LCA5L: variants seen among roughly 807,000 people sequenced by gnomAD.
The protein encoded by LCA5L is lebercilin LCA5 like, also known as lebercilin-like protein.
In LCA5L, 35 loss-of-function variants were observed where a neutral mutation model predicts 45.4. The observed-to-expected ratio is 0.77, with a 90% CI of 0.59 to 1.02. The LOEUF (loss-of-function observed/expected upper bound fraction) is 1.02, where lower values mean the gene tolerates loss of function less well. Ranked by LOEUF, LCA5L falls within the 50% of genes least tolerant of loss-of-function variation. LCA5L has a pLI of 0.00. For synonymous variants in LCA5L, 233 were observed against 264.7 expected, an observed-to-expected ratio of 0.88 and a Z score of 1.16; for missense variants, 668 against 761.6, an observed-to-expected ratio of 0.88 and a Z score of 1.45.
At chr21:39,437,015 T>C (rs1308261364) in intron 2 of LCA5L, among the ~76,000 whole-genome samples, 1 of 152,196 alleles carries the variant, frequency 6.6e-6, no homozygotes, top group African/African-American at 2.4e-5. Context: ...TCTGGCTCCT[T>C]TGTCTATTGC....
intron 10 of LCA5L, among the ~76,000 whole-genome samples, chr21:39,408,258 G>C (rs926532616): frequency 6.6e-6 from 1 of 152,150 alleles, no homozygotes; most frequent in African/African-American, 2.4e-5. Flanking sequence ...TCAAGTGTAA[G>C]GGCAGAATAA....
At chr21:39,422,682 C>A in intron 6 of LCA5L, 1 of 477,266 alleles carries the variant, frequency 2.1e-6, no homozygotes, top group Non-Finnish European at 3.6e-6. Flanking sequence ...AGTCCCTTAG[C>A]ACTGTAGCTG....
chr21:39,438,214 T>A (rs1385526595), intron 2 of LCA5L, among the ~76,000 whole-genome samples: 1 of 152,070 alleles, frequency 6.6e-6, no homozygotes. Context: ...CAAATACATA[T>A]GGTAACCTAG....
At chr21:39,421,100 CG>C (rs575174165) in intron 6 of LCA5L, among the ~76,000 whole-genome samples, 5,345 of 147,284 alleles carry the variant, frequency 0.036, 116 homozygotes, top group Middle Eastern at 0.099. Flanking sequence ...TTTAACAATT[CG>C]TTTTTTTTTT....
At chr21:39,425,652 A>T (rs1216677925) in intron 5 of LCA5L, among the ~76,000 whole-genome samples, 1 of 152,156 alleles carries the variant, frequency 6.6e-6, no homozygotes, top group East Asian at 1.9e-4. Flanking sequence ...CTCTAGACCC[A>T]GGCCGTATGG....
intron 6 of LCA5L, 53 bp downstream of exon 6, chr21:39,422,923 C>G: frequency 6.5e-7 from 1 of 1,533,310 alleles, no homozygotes; most frequent in South Asian, 1.2e-5. Context: ...AATTCACACC[C>G]TCTCTCTATT....
intron 5 of LCA5L, among the ~76,000 whole-genome samples, chr21:39,427,523 G>A (rs1182605185): frequency 2.6e-5 from 4 of 152,010 alleles, no homozygotes; most frequent in South Asian, 2.1e-4. Flanking sequence ...TTAGCCGGGC[G>A]TGGTGGTGGG....
intron 7 of LCA5L, among the ~76,000 whole-genome samples, chr21:39,419,562 A>G (rs1333946712): frequency 6.6e-6 from 1 of 151,514 alleles, no homozygotes; most frequent in Non-Finnish European, 1.5e-5. Flanking sequence ...AAGAAAGGGA[A>G]ATTATTGATA....
At chr21:39,429,000 CAAG>C (rs2075350960) in intron 4 of LCA5L, 128 bp downstream of exon 4, 1 of 152,052 alleles carries the variant, frequency 6.6e-6, no homozygotes, top group Non-Finnish European at 1.5e-5. Flanking sequence ...AAGTGAAATA[CAAG>C]AAAGACCCCA....
intron 3 of LCA5L, 21 bp downstream of exon 3, chr21:39,435,399 T>C (rs1241476246): frequency 6.6e-6 from 1 of 152,218 alleles, no homozygotes; most frequent in Non-Finnish European, 1.5e-5. Context: ...ACTAAAATGT[T>C]TGAAAGTGAT....
At chr21:39,418,002 G>C (rs113525971) in intron 7 of LCA5L, among the ~76,000 whole-genome samples, 2 of 152,078 alleles carry the variant, frequency 1.3e-5, no homozygotes, top group African/African-American at 2.4e-5. Context: ...TCCTGACCTC[G>C]TGATCCACCC....
intron 2 of LCA5L, among the ~76,000 whole-genome samples, chr21:39,442,694 C>G (rs751283306): frequency 3.3e-5 from 5 of 152,036 alleles, no homozygotes; most frequent in Non-Finnish European, 5.9e-5. Context: ...GAGGTTCCAG[C>G]TGGGGTTGGG....
At chr21:39,419,248 G>A (rs1601799653) in intron 7 of LCA5L, among the ~76,000 whole-genome samples, 1 of 152,198 alleles carries the variant, frequency 6.6e-6, no homozygotes, top group East Asian at 1.9e-4. Flanking sequence ...GATCAGGCTG[G>A]GTGTGGTGGC....
intron 3 of LCA5L, among the ~76,000 whole-genome samples, chr21:39,433,284 G>A (rs1014034052): frequency 1.3e-5 from 2 of 152,042 alleles, no homozygotes; most frequent in Non-Finnish European, 2.9e-5. Flanking sequence ...TGGGCGTGGT[G>A]GCGGGCGCCT....
chr21:39,409,334 A>C lies in LCA5L; in HGVS notation c.1282+645T>G, dbSNP rs1019667382. On this transcript the variant is annotated intron_variant, in intron 10 of 10. Transcript: ENST00000288350. The surrounding 1 kb of genome is among the most constrained non-coding windows in gnomAD (Gnocchi z 4.2). ...TGAGAAAATAAATAAGTGTTGTTTA[A>C]ACCGGCAGTCTGTGGTATTTTCTTA... 6.6e-6 allele frequency among the ~76,000 whole-genome samples: 1 copy of C among 152,148 alleles called. No homozygotes were observed. The highest frequency in any genetic ancestry group is 2.4e-5 in the African/African-American group (1 of 41,436).
chr21:39,409,147 C>T lies in LCA5L; in HGVS notation c.1282+832G>A, dbSNP rs2039626816. Among the ~76,000 whole-genome samples, 1 of 152,072 alleles carries T rather than the reference C, an allele frequency of 6.6e-6. No individual in the cohort carries two copies. The highest frequency in any genetic ancestry group is 2.1e-4 in the South Asian group (1 of 4,822). ...ATTAGTGTCCTTATAAAAAGAAACACTGGAGCACTGGTGCTCTCTCCCCGA... is the reference window on the plus strand; with the variant it reads ...ATTAGTGTCCTTATAAAAAGAAACATTGGAGCACTGGTGCTCTCTCCCCGA... On this transcript the variant is annotated intron_variant, in intron 10 of 10. Transcript: ENST00000288350. This position sits in a 1 kb window ranked among gnomAD's most constrained non-coding sequence, Gnocchi z 4.2.
intron 7 of LCA5L, among the ~76,000 whole-genome samples, chr21:39,414,734 C>T (rs1193803006): frequency 1.3e-4 from 13 of 103,272 alleles, no homozygotes; most frequent in Non-Finnish European, 2.2e-4. Context: ...CTCTCTCTCT[C>T]TCTCTCTCTG....
At chr21:39,414,742 C>G (rs13050061) in intron 7 of LCA5L, among the ~76,000 whole-genome samples, 67,064 of 99,788 alleles carry the variant, frequency 0.67, 23,258 homozygotes, top group Admixed American at 0.71. Flanking sequence ...CTCTCTCTCT[C>G]TGTGTGTGTG....
Position 39,423,111 on chromosome 21 carries a change from C to T in LCA5L, c.702G>A (p.Gln234=). 6.2e-7 allele frequency: 1 copy of T among 1,613,838 alleles called. No homozygotes were observed. Among genetic ancestry groups the T allele is most frequent in the Non-Finnish European group, 8.5e-7 (1 of 1,179,814 alleles). The change falls in exon 6 of 11, where the codon CAG becomes CAA. Residue 234 remains glutamine, a synonymous_variant. Transcript: ENST00000288350. ...GCAAGATATCTTTAGTCTTCAGTAA[C>T]TGGCTGTCAGTTTCTCTAAGTTTCC... ...LSRKLRETDS[Q]LLKTKDILQA... is the part of the protein sequence containing the mutation.
Sources: allele counts gnomAD v4.1 joint callset (sites outside exome capture counted in the v4.1 genomes callset), GRCh38; gene constraint gnomAD v4.1.1; non-coding constraint Gnocchi (gnomAD v3.1); transcripts MANE v1.5; gene names NCBI Gene and HGNC (gene_info 2026-07-23, HGNC 2026-07-21).